Variants in PKHD1L1 observed in about 807,000 individuals in gnomAD.
PKHD1L1 encodes the protein PKHD1 like 1, also known as fibrocystin-L.
PKHD1L1 carries 434 observed loss-of-function variants against 462.9 expected under a neutral mutation model. That is an observed-to-expected ratio of 0.94 (90% CI 0.87 to 1.02). The LOEUF (loss-of-function observed/expected upper bound fraction) is 1.02, where lower values mean the gene tolerates loss of function less well. PKHD1L1 is among the 50% of genes least tolerant of loss of function. The pLI is 0.00. For synonymous variants in PKHD1L1, 1,781 were observed against 1,750.0 expected (o/e 1.02, Z -0.44); for missense variants, 5,202 against 5,096.1 (o/e 1.02, Z -0.63).
chr8:109,375,843 C>T (rs867029248), intron 2 of PKHD1L1, among the ~76,000 whole-genome samples: 1 of 152,158 alleles, frequency 6.6e-6, no homozygotes, highest in African/African-American at 2.4e-5. Context: ...GATGCTGCTG[C>T]CTGATCGTTC....
Position 109,441,525 on chromosome 8 carries a change from G to C in PKHD1L1, c.4204+146G>C, listed in dbSNP as rs1198118090. On this transcript the variant is annotated intron_variant, in intron 34 of 77. Coordinates refer to ENST00000378402, the MANE Select transcript of PKHD1L1 (RefSeq NM_177531.6). ...TTGTCAGCAGTAACTGCTTGACATA[G>C]AGGGTCACATATAGAGCAAATTAGT... 9 of 613,278 alleles carry C rather than the reference G, an allele frequency of 1.5e-5. No homozygotes were observed. The African/African-American group carries it at 1.5e-4, about 10-fold the overall frequency. 38.0% of individuals were successfully genotyped at this position (613,278 alleles called of 1,614,324 possible). A position where few individuals can be genotyped will look rare whatever the true frequency, so the allele number is the denominator to read the frequency against.
rs770808175 is a variant in PKHD1L1, at chr8:109,481,522, G to A, written c.9417G>A (p.Trp3139Ter). The change falls in exon 56 of 78, where the codon TGG becomes TGA. Residue 3139 changes from tryptophan (W) to a stop codon, truncating the protein, a stop_gained. Transcript: ENST00000378402. LOFTEE classifies it high-confidence loss of function. ...GAGGAAATCATACTACACAAGACTG[G>A]GCTCTTCCAGAAGGACCAAATCAAG... Reference protein sequence around the residue: ...VLRGNHTTQDWALPEGPNQGA... With the variant: ...VLRGNHTTQD 6.3e-7 allele frequency: 1 copy of A among 1,595,426 alleles called. No individual in the cohort carries two copies. The highest frequency in any genetic ancestry group is 1.3e-5 in the African/African-American group (1 of 74,364).
intron 47 of PKHD1L1, among the ~76,000 whole-genome samples, chr8:109,460,407 C>A (rs1817054696): frequency 6.6e-6 from 1 of 151,928 alleles, no homozygotes; most frequent in African/African-American, 2.4e-5. Flanking sequence ...GATAGACAGA[C>A]AAATGGATAG....
At chr8:109,516,624 A>T (rs905967663) in intron 72 of PKHD1L1, among the ~76,000 whole-genome samples, 2 of 152,174 alleles carry the variant, frequency 1.3e-5, no homozygotes, top group Non-Finnish European at 1.5e-5. Flanking sequence ...AAAACAGTCT[A>T]GCTGTAAAAC....
At chr8:109,484,334 G>T (rs918364283) in intron 57 of PKHD1L1, among the ~76,000 whole-genome samples, 1 of 151,834 alleles carries the variant, frequency 6.6e-6, no homozygotes, top group Non-Finnish European at 1.5e-5. Flanking sequence ...AGTTTTCTAG[G>T]CATTGGGGAT....
chr8:109,413,304 T>C (rs963814303), intron 20 of PKHD1L1, 117 bp from the exon 21 acceptor site: 2 of 684,956 alleles, frequency 2.9e-6, no homozygotes, highest in Non-Finnish European at 4.3e-6. Context: ...TGTGTTCTGG[T>C]ACGTTTTATG....
rs964073340 is a variant in PKHD1L1, at chr8:109,365,748, G to A, written c.163+1112G>A. Among the ~76,000 whole-genome samples, 3 of 152,300 alleles carry A rather than the reference G, an allele frequency of 2.0e-5. No homozygotes were observed. The South Asian group carries it at 6.2e-4, about 32-fold the overall frequency. On this transcript the variant is annotated intron_variant, in intron 2 of 77. Coordinates refer to ENST00000378402, the MANE Select transcript of PKHD1L1 (RefSeq NM_177531.6). ...TCCAGCACTTTGGGAGCCCAAGACC[G>A]GTGGATCACGAGGTCAGGAGATGGA...
intron 71 of PKHD1L1, among the ~76,000 whole-genome samples, chr8:109,511,595 TG>T (rs1173885007): frequency 6.6e-6 from 1 of 152,080 alleles, no homozygotes; most frequent in Non-Finnish European, 1.5e-5. Context: ...AGTCTATCAT[TG>T]TTGGACATTT....
Position 109,454,253 on chromosome 8 carries a change from A to G in PKHD1L1, c.6744+7A>G, listed in dbSNP as rs1380620259. On this transcript the variant is annotated splice_region_variant and intron_variant, in intron 44 of 77. Transcript: ENST00000378402. The stretch of plus-strand genomic sequence containing the variant: ...AGATGGAGGTGTTCTTCAGGTATTC[A>G]AAAGAACATAATACATATTCATTTC... 6.3e-7 allele frequency: 1 copy of G among 1,576,450 alleles called. No homozygotes were observed. The highest frequency in any genetic ancestry group is 2.3e-5 in the East Asian group (1 of 44,332).
In PKHD1L1 at chr8:109,448,151, G is replaced by T; in HGVS notation, c.5785G>T (p.Gly1929Ter). The change falls in exon 39 of 78, where the codon GGA (glycine) becomes TGA (stop). Residue 1929 changes from glycine (G) to a stop codon, truncating the protein, a stop_gained. Transcript: ENST00000378402. LOFTEE classifies it high-confidence loss of function. ...RGIIPSRGPP[G>*]TEIEITGSNF... ...CTTTTTTTTTTTTTAAGGTCCACCA[G>T]GAACTGAAATTGAGATCACTGGATC... 6.2e-7 allele frequency: 1 copy of T among 1,603,586 alleles called. No individual in the cohort carries two copies. The highest frequency in any genetic ancestry group is 1.1e-5 in the South Asian group (1 of 89,570).
chr8:109,529,668 C>G (rs1422058176), intron 77 of PKHD1L1, among the ~76,000 whole-genome samples: 2 of 150,896 alleles, frequency 1.3e-5, no homozygotes, highest in Non-Finnish European at 2.9e-5. Context: ...GAAGATTAAT[C>G]AATGGCTTCT....
At chr8:109,489,105 T>C (rs556908141) in intron 59 of PKHD1L1, among the ~76,000 whole-genome samples, 182 of 152,100 alleles carry the variant, frequency 1.2e-3, no homozygotes, top group African/African-American at 4.2e-3. Context: ...TCTCAATTAT[T>C]CATATCTTCT....
intron 67 of PKHD1L1, chr8:109,499,016 C>T (rs1819268618): frequency 4.4e-6 from 2 of 451,510 alleles, no homozygotes; most frequent in Admixed American, 4.0e-5. Flanking sequence ...AAAACACTGG[C>T]ATTTGTGATT....
At chr8:109,436,874 G>A (rs184270029) in intron 30 of PKHD1L1, among the ~76,000 whole-genome samples, 1 of 152,174 alleles carries the variant, frequency 6.6e-6, no homozygotes, top group African/African-American at 2.4e-5. Context: ...GTAGTCTAAA[G>A]ATTTCAGGAA....
intron 48 of PKHD1L1, 91 bp from the exon 49 acceptor site, chr8:109,464,125 A>T: frequency 4.8e-6 from 4 of 828,178 alleles, no homozygotes; most frequent in Non-Finnish European, 6.4e-6. Flanking sequence ...TATATTAATA[A>T]TAATATAAAA....
rs1783147 is a variant in PKHD1L1 at position 109,479,611 on chromosome 8, C to G, written c.9150C>G (p.His3050Gln). Residue 3050 changes from histidine to glutamine, a missense_variant, in exon 54 of 78, where the codon CAC (histidine) becomes CAG (glutamine). His to Gln is a conservative substitution (Grantham distance 24). This residue lies in a region of PKHD1L1 where 4,497 missense variants were observed against 4,336.8 expected (regional missense o/e 1.04). Coordinates refer to ENST00000378402, the MANE Select transcript of PKHD1L1 (RefSeq NM_177531.6). The part of the protein sequence containing the change: ...SSRENNYTVP[H>Q]PGANVIIPEG... The stretch of plus-strand genomic sequence containing the variant: ...GAGAAAATAATTATACTGTACCTCA[C>G]CCAGGGGCAAATGTGATTATACCTG... 0.38 allele frequency: 575,750 copies of G among 1,513,366 alleles called. 113,772 individuals carry two copies. The highest frequency in any genetic ancestry group is 0.56 in the South Asian group (47,151 of 84,394). 93.7% of individuals were successfully genotyped at this position (1,513,366 alleles called of 1,614,324 possible).
intron 28 of PKHD1L1, among the ~76,000 whole-genome samples, chr8:109,433,546 T>C (rs1815229002): frequency 6.6e-6 from 1 of 152,210 alleles, no homozygotes; most frequent in Admixed American, 6.5e-5. Context: ...AATGCTTCTC[T>C]TGTGTTCCAT....
At chr8:109,486,903 A>T in intron 59 of PKHD1L1, 82 bp downstream of exon 59, 1 of 1,305,706 alleles carries the variant, frequency 7.7e-7, no homozygotes, top group East Asian at 2.5e-5. Flanking sequence ...CATAATTCTC[A>T]CTTTTTTAAT....
chr8:109,432,635 G>A (rs1246240706), intron 27 of PKHD1L1, among the ~76,000 whole-genome samples: 1 of 152,130 alleles, frequency 6.6e-6, no homozygotes, highest in Admixed American at 6.5e-5. Context: ...AACCAGAACT[G>A]TCCCAGGCAC....
Sources: gnomAD v4.1 joint callset for allele counts (sites outside exome capture counted in the v4.1 genomes callset) on GRCh38, gnomAD v4.1.1 for gene constraint, gnomAD v4.1.1 regional missense constraint, MANE v1.5 for transcripts, NCBI Gene and HGNC (gene_info 2026-07-23, HGNC 2026-07-21) for gene names.